SPECC1: variants seen among roughly 807,000 people sequenced by gnomAD.
The protein encoded by SPECC1 is sperm antigen with calponin homology and coiled-coil domains 1.
A neutral mutation model predicts 104.1 loss-of-function variants in SPECC1; 62 were observed. The ratio of observed to expected loss-of-function variants is 0.60; its 90% CI spans 0.49 to 0.74. The LOEUF is 0.74. Among genes scored for constraint, SPECC1 ranks in the 30% least tolerant of loss-of-function variants. The pLI is 0.00. For missense variants in SPECC1, 1,306 were observed against 1,310.5 expected, an observed-to-expected ratio of 1.00 and a Z score of 0.05; for synonymous variants, 513 against 501.6, an observed-to-expected ratio of 1.02 and a Z score of -0.30.
intron 12 of SPECC1, among the ~76,000 whole-genome samples, chr17:20,268,309 C>T (rs1278236330): frequency 1.3e-5 from 2 of 152,168 alleles, no homozygotes; most frequent in East Asian, 3.8e-4. Flanking sequence ...AAAAAAAAAT[C>T]AGTCTTTGTG....
chr17:20,248,585 T>C (rs1032657332), intron 9 of SPECC1, among the ~76,000 whole-genome samples: 1 of 152,216 alleles, frequency 6.6e-6, no homozygotes, highest in Non-Finnish European at 1.5e-5. Context: ...ATCAAGTAAG[T>C]GAACAATAAT....
chr17:20,094,092 G>T (rs1003036176), intron 1 of SPECC1, among the ~76,000 whole-genome samples: 1 of 152,048 alleles, frequency 6.6e-6, no homozygotes, highest in African/African-American at 2.4e-5. Context: ...GCTGATGGGT[G>T]GGTACAAAAT....
chr17:20,156,834 A>G (rs774435274), intron 3 of SPECC1, among the ~76,000 whole-genome samples: 59 of 152,318 alleles, frequency 3.9e-4, no homozygotes, highest in Middle Eastern at 6.8e-3. Flanking sequence ...GGCCCCCAGC[A>G]GAGTTAGATG....
chr17:20,231,000 C>G (rs2038537700), intron 5 of SPECC1, among the ~76,000 whole-genome samples: 1 of 152,128 alleles, frequency 6.6e-6, no homozygotes, highest in Non-Finnish European at 1.5e-5. Flanking sequence ...AGCTAATGCT[C>G]TAGGTTAGAG....
chr17:20,237,272 GTTC>G, intron 7 of SPECC1: 1 of 1,103,200 alleles, frequency 9.1e-7, no homozygotes, highest in Non-Finnish European at 1.1e-6. Flanking sequence ...GCAGGCCCGA[GTTC>G]TTTTGTTTTT....
chr17:20,105,524 T>C (rs1042361647), intron 2 of SPECC1, among the ~76,000 whole-genome samples: 3 of 152,078 alleles, frequency 2.0e-5, no homozygotes, highest in Non-Finnish European at 4.4e-5. Context: ...CTTTTGCATG[T>C]CCCACTCCCT....
chr17:20,269,201 T>C (rs2040316855), intron 12 of SPECC1, among the ~76,000 whole-genome samples: 1 of 152,232 alleles, frequency 6.6e-6, no homozygotes, highest in African/African-American at 2.4e-5. Flanking sequence ...CGGCTCTCTT[T>C]AGCAAGGCTG....
At chr17:20,102,606 T>G (rs2047995560) in intron 2 of SPECC1, among the ~76,000 whole-genome samples, 1 of 152,208 alleles carries the variant, frequency 6.6e-6, no homozygotes, top group African/African-American at 2.4e-5. Context: ...TCTCTAGCTG[T>G]GCCTGGTGCA....
intron 3 of SPECC1, chr17:20,111,748 G>A (rs1211443241): frequency 1.4e-5 from 10 of 718,496 alleles, no homozygotes; most frequent in East Asian, 7.8e-5. Context: ...GGGGAAAGGC[G>A]GAAGGAGAAA....
At chr17:20,030,205 A>C (rs188338885) in intron 1 of SPECC1, among the ~76,000 whole-genome samples, 6 of 150,140 alleles carry the variant, frequency 4.0e-5, no homozygotes, top group African/African-American at 1.5e-4. Context: ...TTTTTACTGT[A>C]TTTATGTGAG....
chr17:20,106,650 C>T (rs2048211922), intron 2 of SPECC1, among the ~76,000 whole-genome samples: 1 of 152,208 alleles, frequency 6.6e-6, no homozygotes, highest in Non-Finnish European at 1.5e-5. Flanking sequence ...CACATGCTCT[C>T]TCTTGCCTAC....
intron 3 of SPECC1, among the ~76,000 whole-genome samples, chr17:20,130,271 T>C (rs550740195): frequency 1.4e-4 from 21 of 152,126 alleles, no homozygotes; most frequent in Admixed American, 1.1e-3. Context: ...TGAAAATCAG[T>C]TGGGGCTGGG....
rs566930401 is a variant in SPECC1 at position 20,077,471 on chromosome 17, G to GT, written c.-21-19153dup. ...TGGCTTTTTTTTGTTTGTTTGTTTT[G>GT]TTTTTTTGTTTTTGAGATGGAGTTT... On this transcript the variant is annotated intron_variant, in intron 1 of 14. Coordinates refer to ENST00000395527, the MANE Select transcript of SPECC1 (RefSeq NM_001243439.2). Among the ~76,000 whole-genome samples the GT allele has an allele frequency of 7.8e-3, 1,170 of 150,832 alleles. 17 individuals are homozygous for GT. The highest frequency in any genetic ancestry group is 0.027 in the African/African-American group (1,112 of 40,976).
At position 20,317,947 on chromosome 17, in the gene SPECC1, G is replaced by C. The variant is rs1018563700; in HGVS notation, c.*3882G>C. On this transcript the variant is annotated 3_prime_UTR_variant, in exon 15 of 15. Coordinates refer to ENST00000395527, the MANE Select transcript of SPECC1 (RefSeq NM_001243439.2). ...GCCAAGGGGTAGGGTTTTTAGGTCT[G>C]TTTTTAACAGAGCTCAGAGCACCAG... The C allele has an allele frequency of 4.4e-6, 1 of 226,000 alleles. No homozygotes were observed. Among genetic ancestry groups the C allele is most frequent in the African/African-American group, 2.2e-5 (1 of 44,916 alleles). The allele number at this position is 226,000 out of a possible 1,614,324, so 14.0% of individuals were successfully genotyped here.
At chr17:20,012,286 G>A (rs1363534688) in intron 1 of SPECC1, among the ~76,000 whole-genome samples, 1 of 151,944 alleles carries the variant, frequency 6.6e-6, no homozygotes, top group Non-Finnish European at 1.5e-5. Flanking sequence ...GGTAATTCAG[G>A]TTTTCTGCAT....
At chr17:20,289,699 G>T (rs2041092585) in intron 12 of SPECC1, among the ~76,000 whole-genome samples, 2 of 152,212 alleles carry the variant, frequency 1.3e-5, no homozygotes, top group South Asian at 2.1e-4. Context: ...TCCCCCAGCT[G>T]CACTGGACTG....
intron 3 of SPECC1, among the ~76,000 whole-genome samples, chr17:20,122,300 C>T (rs1055607054): frequency 1.3e-5 from 2 of 152,172 alleles, no homozygotes; most frequent in African/African-American, 4.8e-5. Flanking sequence ...TTTAAAAGGA[C>T]TGCTTTGGGC....
intron 14 of SPECC1, among the ~76,000 whole-genome samples, chr17:20,310,597 C>G (rs1288772736): frequency 6.6e-6 from 1 of 152,238 alleles, no homozygotes; most frequent in East Asian, 1.9e-4. Flanking sequence ...TGTGATGTCA[C>G]TGTCATAAAA....
chr17:20,231,356 C>T lies in SPECC1; in HGVS notation c.2072-402C>T, dbSNP rs150911299. ...CAGGAGGAATAAGCATTCATGTGCT[C>T]TGTTATGTGAAAGCCTCTATCTCAC... On this transcript the variant is annotated intron_variant, in intron 5 of 14. Coordinates refer to ENST00000395527, the MANE Select transcript of SPECC1 (RefSeq NM_001243439.2). 1.4e-3 allele frequency among the ~76,000 whole-genome samples: 218 copies of T among 152,300 alleles called. 1 individual carries two copies. The highest frequency in any genetic ancestry group is 5.1e-3 in the African/African-American group (213 of 41,564).
Sources: allele counts gnomAD v4.1 joint callset (sites outside exome capture counted in the v4.1 genomes callset), GRCh38; gene constraint gnomAD v4.1.1; transcripts MANE v1.5; gene names NCBI Gene and HGNC (gene_info 2026-07-23, HGNC 2026-07-21).